The following LYRM9 variants were observed in gnomAD, a reference collection of about 807,000 sequenced individuals.
LYRM9 encodes LYR motif-containing protein 9.
LYRM9 carries 14 observed loss-of-function variants against 12.6 expected under a neutral mutation model. That is an observed-to-expected ratio of 1.11 (90% CI 0.73 to 1.73). The LOEUF is 1.73. LYRM9 is among the 40% of genes most tolerant of loss of function. The pLI is 0.00. For synonymous variants in LYRM9, 42 were observed against 35.1 expected (o/e 1.20, Z -0.69); for missense variants, 94 against 95.0 (o/e 0.99, Z 0.04).
chr17:27,883,720 T>C lies in LYRM9; in HGVS notation c.-18-1008A>G, dbSNP rs190254564. Among the ~76,000 whole-genome samples the C allele has an allele frequency of 4.7e-4, 71 of 150,714 alleles. No individual in the cohort carries two copies. In the East Asian group the frequency reaches 0.012, roughly 27 times the overall value. On this transcript the variant is annotated intron_variant, in intron 1 of 3. Transcript: ENST00000379102. The stretch of plus-strand genomic sequence containing the variant: ...CTCTATTCACTTTACATGTGATTAA[T>C]GCACACATAAGAAAACCGGTCACAG...
chr17:27,891,159 TAG>T (rs968212839), intron 1 of LYRM9, among the ~76,000 whole-genome samples: 2 of 152,154 alleles, frequency 1.3e-5, no homozygotes, highest in African/African-American at 4.8e-5. Context: ...AGAACCTCTG[TAG>T]AGAGTTCTCT....
chr17:27,887,267 C>G (rs1025110724), intron 1 of LYRM9, among the ~76,000 whole-genome samples: 2 of 152,172 alleles, frequency 1.3e-5, no homozygotes, highest in African/African-American at 4.8e-5. Context: ...AAGTAGTATA[C>G]AGCCAGTATT....
At chr17:27,885,060 T>G (rs1905189664) in intron 1 of LYRM9, among the ~76,000 whole-genome samples, 1 of 152,162 alleles carries the variant, frequency 6.6e-6, no homozygotes, top group African/African-American at 2.4e-5. Context: ...GATAGGTGGT[T>G]GTCTGACCCC....
intron 1 of LYRM9, among the ~76,000 whole-genome samples, chr17:27,884,977 A>G (rs375519633): frequency 6.6e-6 from 1 of 152,212 alleles, no homozygotes; most frequent in Admixed American, 6.5e-5. Context: ...CCTCGGCAAC[A>G]ATAAATGTGT....
chr17:27,880,448 AC>A (rs1323670007), intron 2 of LYRM9, 82 bp from the exon 3 acceptor site: 43 of 969,340 alleles, frequency 4.4e-5, no homozygotes, highest in Non-Finnish European at 6.4e-6. Flanking sequence ...CAGGCCAGGG[AC>A]ACTGCTGGGC....
intron 1 of LYRM9, among the ~76,000 whole-genome samples, chr17:27,883,835 TAAAAAAAAAAAAA>T (rs781375467): frequency 2.4e-3 from 60 of 24,570 alleles, no homozygotes; most frequent in Admixed American, 3.8e-3. Context: ...AGCCTTTTTC[TAAAAAAAAAAAAA>T]AAAAAAAAAA....
In LYRM9 at chr17:27,880,383, A is replaced by G; in HGVS notation, c.127-17T>C. ...CCGAAAACTCTGCAAGTTTAAGCAT[A>G]AAGAAAGATGACTAGGCAAAATTCC... On this transcript the variant is annotated splice_polypyrimidine_tract_variant and intron_variant, in intron 2 of 3. Transcript: ENST00000379102. 1 of 1,584,250 alleles carries G rather than the reference A, an allele frequency of 6.3e-7. No individual in the cohort carries two copies. Among genetic ancestry groups the G allele is most frequent in the Non-Finnish European group, 8.6e-7 (1 of 1,163,176 alleles).
At chr17:27,881,844 G>A (rs1196470504) in intron 2 of LYRM9, among the ~76,000 whole-genome samples, 1 of 151,450 alleles carries the variant, frequency 6.6e-6, no homozygotes, top group Non-Finnish European at 1.5e-5. Flanking sequence ...GTCTCACTCT[G>A]TCACCCAGGT....
Position 27,880,029 on chromosome 17 carries a change from C to G in LYRM9, c.219+245G>C, listed in dbSNP as rs932534510. The G allele has an allele frequency of 1.2e-5, 8 of 685,530 alleles. No individual in the cohort carries two copies. The Admixed American group carries it at 1.8e-4, about 15-fold the overall frequency. 42.5% of individuals were successfully genotyped at this position (685,530 alleles called of 1,614,324 possible). On this transcript the variant is annotated intron_variant, in intron 3 of 3. Coordinates refer to ENST00000379102, the MANE Select transcript of LYRM9 (RefSeq NM_001076680.3). ...CTGCCCCCTCTCAGCTCGATCAGCA[C>G]TGTTGGGCAGAAATTTGCCTTTAAG...
chr17:27,879,848 C>T (rs1224081255), intron 3 of LYRM9: 2 of 566,500 alleles, frequency 3.5e-6, no homozygotes, highest in East Asian at 3.0e-5. Context: ...TCACTCCCTT[C>T]CTCCACCAAA....
chr17:27,879,431 C>T lies in LYRM9; in HGVS notation c.*42G>A. 6.5e-7 allele frequency: 1 copy of T among 1,546,056 alleles called. No individual in the cohort carries two copies. The highest frequency in any genetic ancestry group is 2.5e-5 in the East Asian group (1 of 40,684). On this transcript the variant is annotated 3_prime_UTR_variant, in exon 4 of 4. Coordinates refer to ENST00000379102, the MANE Select transcript of LYRM9 (RefSeq NM_001076680.3). Reference sequence around the variant, plus strand: ...TGCTGCTGAGCTCCAGAAGAGGGGCCTCTCAACTTCCAGAGGCCAGGAAGG... The same window carrying T: ...TGCTGCTGAGCTCCAGAAGAGGGGCTTCTCAACTTCCAGAGGCCAGGAAGG...
intron 2 of LYRM9, among the ~76,000 whole-genome samples, chr17:27,882,037 G>A (rs766209753): frequency 6.6e-5 from 10 of 152,258 alleles, no homozygotes; most frequent in South Asian, 2.1e-4. Context: ...TTACAGACAT[G>A]AGCCACCATG....
intron 1 of LYRM9, among the ~76,000 whole-genome samples, chr17:27,889,101 T>A (rs982904224): frequency 4.6e-5 from 7 of 152,140 alleles, no homozygotes; most frequent in African/African-American, 1.7e-4. Flanking sequence ...CGTACCTTTA[T>A]TTTTGATACC....
chr17:27,889,655 C>T (rs1308100686), intron 1 of LYRM9, among the ~76,000 whole-genome samples: 1 of 152,086 alleles, frequency 6.6e-6, no homozygotes, highest in East Asian at 1.9e-4. Context: ...TGAGGTCATT[C>T]CAGAGTCACA....
Position 27,879,428 on chromosome 17 carries a change from G to C in LYRM9, c.*45C>G. On this transcript the variant is annotated 3_prime_UTR_variant, in exon 4 of 4. Coordinates refer to ENST00000379102, the MANE Select transcript of LYRM9 (RefSeq NM_001076680.3). ...TGCTGCTGCTGAGCTCCAGAAGAGG[G>C]GCCTCTCAACTTCCAGAGGCCAGGA... The C allele has an allele frequency of 6.5e-7, 1 of 1,544,026 alleles. No homozygotes were observed. Among genetic ancestry groups the C allele is most frequent in the Non-Finnish European group, 8.7e-7 (1 of 1,143,714 alleles).
chr17:27,884,677 G>C (rs1465377306), intron 1 of LYRM9, among the ~76,000 whole-genome samples: 3 of 152,174 alleles, frequency 2.0e-5, no homozygotes, highest in Non-Finnish European at 4.4e-5. Context: ...GGCTCTCCCT[G>C]GGCTGAGCGC....
chr17:27,893,108 GGCGCC>G (rs1905514030), intron 1 of LYRM9: 1 of 152,210 alleles, frequency 6.6e-6, no homozygotes, highest in Admixed American at 6.5e-5. Flanking sequence ...GTCAAGCCCG[GGCGCC>G]GCGCTCCGGT....
rs538458492 is a variant in LYRM9 at position 27,884,255 on chromosome 17, T to C, written c.-18-1543A>G. Among the ~76,000 whole-genome samples, 13 of 152,320 alleles carry C rather than the reference T, an allele frequency of 8.5e-5. No homozygotes were observed. In the South Asian group the frequency reaches 2.5e-3, roughly 29 times the overall value. On this transcript the variant is annotated intron_variant, in intron 1 of 3. Coordinates refer to ENST00000379102, the MANE Select transcript of LYRM9 (RefSeq NM_001076680.3). ...GTTTTAAATGGTAGGTTCTAGAACA[T>C]ATGGGCTTGCAAAGCTTTCATCAGG...
chr17:27,886,138 T>C lies in LYRM9; in HGVS notation c.-18-3426A>G, dbSNP rs1314496813. On this transcript the variant is annotated intron_variant, in intron 1 of 3. Transcript: ENST00000379102. The surrounding 1 kb of genome is among the most constrained non-coding windows in gnomAD (Gnocchi z 4.8). ...AACTATATAAAGTAGTAATCAAATA[T>C]TGTAAAATGCTAGTCGCGGAACAGA... 6.6e-6 allele frequency among the ~76,000 whole-genome samples: 1 copy of C among 152,102 alleles called. No individual in the cohort carries two copies. The highest frequency in any genetic ancestry group is 1.5e-5 in the Non-Finnish European group (1 of 68,014).
Sources: allele counts gnomAD v4.1 joint callset (sites outside exome capture counted in the v4.1 genomes callset), GRCh38; gene constraint gnomAD v4.1.1; non-coding constraint Gnocchi (gnomAD v3.1); transcripts MANE v1.5; gene names NCBI Gene and HGNC (gene_info 2026-07-23, HGNC 2026-07-21).